The following PRORP variants were observed in gnomAD, a reference collection of about 807,000 sequenced individuals.
The protein encoded by PRORP is mitochondrial ribonuclease P catalytic subunit.
PRORP carries 51 observed loss-of-function variants against 59.4 expected under a neutral mutation model. The observed-to-expected ratio is 0.86, with a 90% CI of 0.69 to 1.08. The LOEUF (loss-of-function observed/expected upper bound fraction) is 1.08. PRORP is among the 50% of genes least tolerant of loss of function. The pLI is 0.00. For missense variants in PRORP, 646 were observed against 690.3 expected (o/e 0.94, Z 0.72); for synonymous variants, 231 against 245.6 (o/e 0.94, Z 0.55).
intron 5 of PRORP, among the ~76,000 whole-genome samples, chr14:35,183,880 A>C (rs960979955): frequency 6.6e-6 from 1 of 152,204 alleles, no homozygotes; most frequent in Admixed American, 6.5e-5. Context: ...AAATAGTTCC[A>C]GAAAGGGAAT....
chr14:35,268,342 CAAAAAAAAAAAA>C (rs769701565), intron 6 of PRORP, among the ~76,000 whole-genome samples: 1 of 50,892 alleles, frequency 2.0e-5, no homozygotes, highest in African/African-American at 7.1e-5. Context: ...GAGACTGTCT[CAAAAAAAAAAAA>C]AAAAAAAAAC....
chr14:35,157,362 G>A (rs2138929353), intron 4 of PRORP, among the ~76,000 whole-genome samples: 1 of 152,258 alleles, frequency 6.6e-6, no homozygotes, highest in East Asian at 1.9e-4. Flanking sequence ...TGTGTTGATG[G>A]TACAAGGCTT....
In PRORP at chr14:35,235,265, T is replaced by C. The variant is rs556617665; in HGVS notation, c.1276-31462T>C. On this transcript the variant is annotated intron_variant, in intron 5 of 7. Coordinates refer to ENST00000534898, the MANE Select transcript of PRORP (RefSeq NM_014672.4). ...CTTGGGACCCAGGACATTGCCTCCC[T>C]AGTGATGGCGGATTTCATCATATCT... 100 of 698,980 alleles carry C rather than the reference T, an allele frequency of 1.4e-4. 2 individuals are homozygous for C. Among genetic ancestry groups the C allele is most frequent in the South Asian group, 1.3e-3 (98 of 74,008 alleles). The allele number at this position is 698,980 out of a possible 1,614,324, so 43.3% of individuals were successfully genotyped here. A position where few individuals can be genotyped will look rare whatever the true frequency, so the allele number is the denominator to read the frequency against.
At chr14:35,191,763 G>A (rs1280015678) in intron 5 of PRORP, among the ~76,000 whole-genome samples, 1 of 152,070 alleles carries the variant, frequency 6.6e-6, no homozygotes, top group Non-Finnish European at 1.5e-5. Context: ...TGGGTAATTG[G>A]CACTACTATC....
chr14:35,146,955 G>A (rs887266987), intron 4 of PRORP, among the ~76,000 whole-genome samples: 10 of 151,996 alleles, frequency 6.6e-5, no homozygotes, highest in African/African-American at 1.4e-4. Context: ...TAGTTAGCTC[G>A]GCTTGGTGGT....
rs2051280041 is a variant in PRORP, at chr14:35,275,271, CAAT to C, written c.*1706_*1708del. 1.3e-5 allele frequency: 2 copies of C among 152,080 alleles called. No individual in the cohort carries two copies. The highest frequency in any genetic ancestry group is 4.8e-5 in the African/African-American group (2 of 41,470). 9.4% of individuals were successfully genotyped at this position (152,080 alleles called of 1,614,324 possible). ...AAGATAATTACTTACATGAAATAAA[CAAT>C]GACCTCTTTTATATCAAACCATATA... On this transcript the variant is annotated 3_prime_UTR_variant, in exon 8 of 8. Transcript: ENST00000534898.
At chr14:35,140,570 C>G (rs1312294014) in intron 4 of PRORP, among the ~76,000 whole-genome samples, 1 of 145,396 alleles carries the variant, frequency 6.9e-6, no homozygotes, top group Non-Finnish European at 1.5e-5. Flanking sequence ...AGAACTGTTT[C>G]TATATTCTAG....
chr14:35,184,330 T>G (rs2048690956), intron 5 of PRORP, among the ~76,000 whole-genome samples: 1 of 152,152 alleles, frequency 6.6e-6, no homozygotes, highest in Non-Finnish European at 1.5e-5. Flanking sequence ...TTTTTTATAT[T>G]TTAACTTTTC....
At chr14:35,127,672 T>A (rs2047131854) in intron 4 of PRORP, 61 bp downstream of exon 4, 50 of 1,574,788 alleles carry the variant, frequency 3.2e-5, no homozygotes, top group Non-Finnish European at 4.2e-5. Flanking sequence ...GTTAGCAATT[T>A]TTGTAAAATG....
chr14:35,199,961 T>G (rs913187606), intron 5 of PRORP, among the ~76,000 whole-genome samples: 1 of 152,312 alleles, frequency 6.6e-6, no homozygotes, highest in South Asian at 2.1e-4. Context: ...CCCTGAAAAT[T>G]TTCTCATCTG....
chr14:35,213,959 A>G (rs1225965122), intron 5 of PRORP, among the ~76,000 whole-genome samples: 1 of 152,234 alleles, frequency 6.6e-6, no homozygotes. Flanking sequence ...TTCAATTTGT[A>G]AAAAATGAAT....
intron 5 of PRORP, among the ~76,000 whole-genome samples, chr14:35,190,896 G>A (rs572797631): frequency 2.6e-4 from 40 of 152,142 alleles, no homozygotes; most frequent in African/African-American, 9.6e-4. Flanking sequence ...ATCATAATCT[G>A]TTGCAAGATA....
At chr14:35,185,353 C>T (rs1303989106) in intron 5 of PRORP, among the ~76,000 whole-genome samples, 1 of 151,954 alleles carries the variant, frequency 6.6e-6, no homozygotes, top group Non-Finnish European at 1.5e-5. Context: ...TGTCCTTTGC[C>T]CACTTTTTAA....
rs2050941558 is a variant in PRORP at position 35,262,908 on chromosome 14, A to T, written c.1276-3819A>T. 17 of 1,571,534 alleles carry T rather than the reference A, an allele frequency of 1.1e-5. No individual in the cohort carries two copies. The South Asian group carries it at 1.8e-4, about 16-fold the overall frequency. ...TGAATTAATCCTTGAAGGTAATGACATTGAGCTTGTTTCCAATTTAGAGGC... is the reference window on the plus strand; with the variant it reads ...TGAATTAATCCTTGAAGGTAATGACTTTGAGCTTGTTTCCAATTTAGAGGC... On this transcript the variant is annotated intron_variant, in intron 5 of 7. Transcript: ENST00000534898.
intron 4 of PRORP, among the ~76,000 whole-genome samples, chr14:35,156,140 G>C (rs1315078897): frequency 6.6e-6 from 1 of 152,218 alleles, no homozygotes; most frequent in Non-Finnish European, 1.5e-5. Flanking sequence ...GGCAACTGCA[G>C]ATTAATTCTG....
At chr14:35,198,993 C>G (rs1014059430) in intron 5 of PRORP, among the ~76,000 whole-genome samples, 2 of 152,290 alleles carry the variant, frequency 1.3e-5, no homozygotes, top group East Asian at 3.9e-4. Flanking sequence ...ATGGCGAAAC[C>G]CTGTTTCTAC....
intron 4 of PRORP, among the ~76,000 whole-genome samples, chr14:35,143,414 G>A (rs1158555785): frequency 6.9e-6 from 1 of 145,394 alleles, no homozygotes; most frequent in Non-Finnish European, 1.5e-5. Flanking sequence ...CAGCCGCCTC[G>A]GCTTCCCAAA....
intron 5 of PRORP, among the ~76,000 whole-genome samples, chr14:35,182,642 G>A (rs972550782): frequency 1.3e-5 from 2 of 151,852 alleles, no homozygotes; most frequent in African/African-American, 2.4e-5. Flanking sequence ...GAGACTCCTC[G>A]AAAACAAAAA....
At chr14:35,185,714 G>T (rs969985592) in intron 5 of PRORP, among the ~76,000 whole-genome samples, 1 of 152,178 alleles carries the variant, frequency 6.6e-6, no homozygotes, top group African/African-American at 2.4e-5. Context: ...GGTCCTAAAA[G>T]TGTTATAAAA....
Sources: allele counts gnomAD v4.1 joint callset (sites outside exome capture counted in the v4.1 genomes callset), GRCh38; gene constraint gnomAD v4.1.1; transcripts MANE v1.5; gene names NCBI Gene and HGNC (gene_info 2026-07-23, HGNC 2026-07-21).